The following ZSCAN31 variants were observed in gnomAD, a reference collection of about 807,000 sequenced individuals.
The protein encoded by ZSCAN31 is zinc finger and SCAN domain-containing protein 31.
In ZSCAN31, 14 loss-of-function variants were observed where a neutral mutation model predicts 22.5. The observed-to-expected ratio is 0.62, with a 90% CI of 0.41 to 0.97. ZSCAN31 has a LOEUF of 0.97. Among genes scored for constraint, ZSCAN31 ranks in the 50% least tolerant of loss-of-function variants. The pLI is 0.00. For synonymous variants in ZSCAN31, 168 were observed against 169.8 expected, an observed-to-expected ratio of 0.99 and a Z score of 0.08; for missense variants, 424 against 483.4, an observed-to-expected ratio of 0.88 and a Z score of 1.15.
At chr6:28,353,126 G>A (rs775718879) in intron 2 of ZSCAN31, among the ~76,000 whole-genome samples, 4 of 151,960 alleles carry the variant, frequency 2.6e-5, no homozygotes, top group Non-Finnish European at 5.9e-5. Flanking sequence ...ATGCCATCAC[G>A]CCCAGCTAAT....
At chr6:28,348,701 C>T (rs12180820) in intron 2 of ZSCAN31, among the ~76,000 whole-genome samples, 61,681 of 151,906 alleles carry the variant, frequency 0.41, 15,741 homozygotes, top group African/African-American at 0.72. Flanking sequence ...AAAAATGTCT[C>T]GGATTCGTGA....
upstream of ZSCAN31, chr6:28,337,838 A>C (rs1048114035): frequency 6.6e-6 from 1 of 152,210 alleles, no homozygotes; most frequent in Non-Finnish European, 1.5e-5. Flanking sequence ...AGATGGGAGG[A>C]TCTCTTGAGT....
intron 1 of ZSCAN31, among the ~76,000 whole-genome samples, chr6:28,332,663 C>T (rs1561913320): frequency 6.6e-6 from 1 of 151,956 alleles, no homozygotes; most frequent in Non-Finnish European, 1.5e-5. Context: ...GGAAATAGAC[C>T]CAACAAAATA....
At chr6:28,348,651 A>G in intron 2 of ZSCAN31, among the ~76,000 whole-genome samples, 1 of 152,220 alleles carries the variant, frequency 6.6e-6, no homozygotes, top group Non-Finnish European at 1.5e-5. Flanking sequence ...TTTATAATAA[A>G]TTATATAGGG....
At chr6:28,354,416 G>T (rs78787804), upstream of ZSCAN31, among the ~76,000 whole-genome samples, 7,804 of 152,248 alleles carry the variant, frequency 0.051, 496 homozygotes, top group African/African-American at 0.15. Context: ...TTGGCCGAGG[G>T]AGACATAGGT....
rs1763599240 is a variant in ZSCAN31, at chr6:28,329,705, C to T, written c.-22G>A. 1 of 1,586,216 alleles carries T rather than the reference C, an allele frequency of 6.3e-7. No homozygotes were observed. The highest frequency in any genetic ancestry group is 1.1e-5 in the South Asian group (1 of 88,480). On this transcript the variant is annotated 5_prime_UTR_variant, in exon 2 of 4. Coordinates refer to ENST00000344279, the MANE Select transcript of ZSCAN31 (RefSeq NM_030899.5). ...CCATTCCTGGGGTTAATTTGGAAGGCTTACTCTGGCTTTAAGTAAAGGGAT... is the reference window on the plus strand; with the variant it reads ...CCATTCCTGGGGTTAATTTGGAAGGTTTACTCTGGCTTTAAGTAAAGGGAT...
At chr6:28,330,745 A>G (rs1190499344) in intron 1 of ZSCAN31, among the ~76,000 whole-genome samples, 1 of 152,212 alleles carries the variant, frequency 6.6e-6, no homozygotes, top group East Asian at 1.9e-4. Flanking sequence ...ATATAAAACC[A>G]GCTATAATAT....
chr6:28,329,530 C>G lies in ZSCAN31; in HGVS notation c.154G>C (p.Gly52Arg). ...FRQFCYQETP[G>R]PREALSRLRE... ...AGCCGGCTCAGAGCTTCTCGGGGAC[C>G]AGGAGTCTCTTGGTAACAAAACTGC... Residue 52 changes from glycine to arginine, a missense_variant, in exon 2 of 4, where the codon GGT (glycine) becomes CGT (arginine). Gly to Arg is a moderately radical substitution (Grantham distance 125). Transcript: ENST00000344279. 5.0e-6 allele frequency: 8 copies of G among 1,614,186 alleles called. No individual in the cohort carries two copies. The highest frequency in any genetic ancestry group is 1.1e-5 in the South Asian group (1 of 91,070).
rs1438948976 is a variant in ZSCAN31, at chr6:28,347,518, C to T, written c.-370-5726G>A. ...CCTTTTTAAAAATCGCAGTGCTTAT[C>T]AACTTCCATTCCAGTTTATGTATTT... On this transcript the variant is annotated intron_variant, in intron 2 of 7. Transcript: ENST00000396838. The surrounding 1 kb of genome is among the most constrained non-coding windows in gnomAD (Gnocchi z 5.2). Among the ~76,000 whole-genome samples the T allele has an allele frequency of 6.6e-6, 1 of 152,174 alleles. No homozygotes were observed. Among genetic ancestry groups the T allele is most frequent in the East Asian group, 1.9e-4 (1 of 5,198 alleles).
chr6:28,340,098 A>C (rs1764356386), upstream of ZSCAN31, among the ~76,000 whole-genome samples: 1 of 152,252 alleles, frequency 6.6e-6, no homozygotes, highest in South Asian at 2.1e-4. Flanking sequence ...GAATAAGTTA[A>C]GTGCTGCAGT....
upstream of ZSCAN31, among the ~76,000 whole-genome samples, chr6:28,339,531 G>T (rs572388089): frequency 6.6e-6 from 1 of 151,832 alleles, no homozygotes; most frequent in Non-Finnish European, 1.5e-5. Flanking sequence ...CAGGTGATCT[G>T]CCCACCTTGG....
rs1445073134 is a variant in ZSCAN31 at position 28,343,775 on chromosome 6, G to A, written c.-370-1983C>T. On this transcript the variant is annotated intron_variant, in intron 2 of 7. Transcript: ENST00000396838. ...GATCTCCTGACCTCATGATCCGCCC[G>A]CCTTGGCCTCCCAAAGTGTTGGGAT... Among the ~76,000 whole-genome samples the A allele has an allele frequency of 3.9e-5, 6 of 151,970 alleles. No homozygotes were observed. The East Asian group carries it at 7.7e-4, about 20-fold the overall frequency.
At chr6:28,329,820 AGTAGTGGGG>A in intron 1 of ZSCAN31, 42 bp from the exon 2 acceptor site, 1 of 1,171,404 alleles carries the variant, frequency 8.5e-7, no homozygotes, top group Non-Finnish European at 1.2e-6. Flanking sequence ...TAAATCATAA[AGTAGTGGGG>A]AAAAAAGCAA....
chr6:28,326,968 C>A, intron 3 of ZSCAN31, 114 bp from the exon 4 acceptor site: 1 of 1,081,296 alleles, frequency 9.2e-7, no homozygotes, highest in Middle Eastern at 3.1e-4. Context: ...GAATGAAGAA[C>A]TGTCAGTTAA....
At chr6:28,334,136 G>A (rs1048248838) in intron 1 of ZSCAN31, among the ~76,000 whole-genome samples, 1 of 152,200 alleles carries the variant, frequency 6.6e-6, no homozygotes, top group Admixed American at 6.5e-5. Context: ...GCTGAGCTAA[G>A]AGCTTGGAAT....
chr6:28,353,798 C>T (rs1765225428), intron 2 of ZSCAN31: 1 of 456,568 alleles, frequency 2.2e-6, no homozygotes, highest in East Asian at 6.9e-5. Flanking sequence ...ACCAGGCCTA[C>T]TCTTATTTAA....
intron 2 of ZSCAN31, among the ~76,000 whole-genome samples, chr6:28,346,302 A>G (rs1323198466): frequency 2.1e-5 from 3 of 144,998 alleles, no homozygotes; most frequent in African/African-American, 7.9e-5. Flanking sequence ...CAAGTTATCC[A>G]TTAGGTGTTC....
At chr6:28,338,539 C>A (rs1276283258), upstream of ZSCAN31, among the ~76,000 whole-genome samples, 3 of 151,950 alleles carry the variant, frequency 2.0e-5, no homozygotes, top group Non-Finnish European at 4.4e-5. Flanking sequence ...ATCACTGCAA[C>A]CTTAAACTCC....
chr6:28,337,269 A>G (rs1019420262), upstream of ZSCAN31, among the ~76,000 whole-genome samples: 8 of 152,238 alleles, frequency 5.3e-5, no homozygotes, highest in African/African-American at 1.7e-4. Flanking sequence ...TGGGCTGATC[A>G]GCATGACTGG....
Sources: gnomAD v4.1 joint callset for allele counts (sites outside exome capture counted in the v4.1 genomes callset) on GRCh38, gnomAD v4.1.1 for gene constraint, Gnocchi (gnomAD v3.1) non-coding constraint, MANE v1.5 for transcripts, NCBI Gene and HGNC (gene_info 2026-07-23, HGNC 2026-07-21) for gene names.